Variants in ACOT12 observed in about 807,000 individuals in gnomAD.
ACOT12 encodes the protein acyl-CoA thioesterase 12, also known as acetyl-coenzyme A thioesterase.
In ACOT12, 51 loss-of-function variants were observed where a neutral mutation model predicts 67.7. The observed-to-expected ratio is 0.75, with a 90% CI of 0.60 to 0.95. The LOEUF is 0.95. Among genes scored for constraint, ACOT12 ranks in the 40% least tolerant of loss-of-function variants. ACOT12 has a pLI of 0.00. For missense variants in ACOT12, 734 were observed against 708.1 expected, an observed-to-expected ratio of 1.04 and a Z score of -0.41; for synonymous variants, 251 against 244.6, an observed-to-expected ratio of 1.03 and a Z score of -0.24.
At chr5:81,373,444 T>G (rs899813586) in intron 2 of ACOT12, among the ~76,000 whole-genome samples, 1 of 152,134 alleles carries the variant, frequency 6.6e-6, no homozygotes, top group African/African-American at 2.4e-5. Context: ...GGGCGGCCAT[T>G]TGGGGAGACA....
intron 2 of ACOT12, among the ~76,000 whole-genome samples, chr5:81,375,566 T>C (rs12108697): frequency 0.28 from 42,035 of 151,772 alleles, 9,435 homozygotes; most frequent in African/African-American, 0.62. Flanking sequence ...AGTCAAGACT[T>C]ATCAGTGTGC....
chr5:81,387,768 C>G (rs1473658635), intron 1 of ACOT12, among the ~76,000 whole-genome samples: 1 of 152,152 alleles, frequency 6.6e-6, no homozygotes, highest in Non-Finnish European at 1.5e-5. Flanking sequence ...TGGTCCCAAA[C>G]TCCTGGACTC....
intron 2 of ACOT12, among the ~76,000 whole-genome samples, chr5:81,379,502 T>C (rs745687544): frequency 6.6e-6 from 1 of 151,668 alleles, no homozygotes; most frequent in East Asian, 1.9e-4. Flanking sequence ...AAAAGCACCA[T>C]GCTAAACGCT....
intron 1 of ACOT12, among the ~76,000 whole-genome samples, chr5:81,389,954 TA>T (rs1760821110): frequency 1.4e-5 from 2 of 147,532 alleles, no homozygotes; most frequent in African/African-American, 5.1e-5. Context: ...TTTATTTATG[TA>T]TTTTTTTTTT....
chr5:81,331,120 G>C (rs927843660), intron 13 of ACOT12, among the ~76,000 whole-genome samples, 180 bp from the exon 14 acceptor site: 1 of 152,226 alleles, frequency 6.6e-6, no homozygotes, highest in Non-Finnish European at 1.5e-5. Flanking sequence ...GTAGGAAATA[G>C]TGTTTTCTGC....
At chr5:81,325,144 T>C (rs1034096636), downstream of ACOT12, among the ~76,000 whole-genome samples, 1 of 152,190 alleles carries the variant, frequency 6.6e-6, no homozygotes, top group Non-Finnish European at 1.5e-5. Flanking sequence ...TCATCCATTA[T>C]AACAGAAGAA....
At chr5:81,344,672 C>T (rs1453100783) in intron 8 of ACOT12, among the ~76,000 whole-genome samples, 2 of 151,920 alleles carry the variant, frequency 1.3e-5, no homozygotes, top group South Asian at 2.1e-4. Flanking sequence ...GTGTGTAGCC[C>T]GGTAGAGGTG....
chr5:81,312,780 T>C, the ACOT12 span: 1 of 705,608 alleles, frequency 1.4e-6, no homozygotes, highest in East Asian at 2.6e-5. Flanking sequence ...ATCAGTATGA[T>C]CTGGGTGTGG....
intron 1 of ACOT12, among the ~76,000 whole-genome samples, chr5:81,387,199 G>T (rs1760752488): frequency 6.6e-6 from 1 of 151,806 alleles, no homozygotes; most frequent in Non-Finnish European, 1.5e-5. Context: ...TAGAGATGGG[G>T]TTTCACCATG....
At chr5:81,326,856 C>T (rs1413552159), downstream of ACOT12, among the ~76,000 whole-genome samples, 5 of 152,142 alleles carry the variant, frequency 3.3e-5, no homozygotes, top group African/African-American at 1.2e-4. Context: ...CAAGAATGTG[C>T]AAGACCACCC....
At chr5:81,344,718 C>T (rs921578513) in intron 8 of ACOT12, among the ~76,000 whole-genome samples, 173 bp downstream of exon 8, 1 of 151,906 alleles carries the variant, frequency 6.6e-6, no homozygotes, top group Admixed American at 6.6e-5. Context: ...AACAAATGAT[C>T]AGAGTGATCG....
intron 2 of ACOT12, among the ~76,000 whole-genome samples, chr5:81,383,576 C>A (rs1379860713): frequency 6.6e-6 from 1 of 152,086 alleles, no homozygotes; most frequent in Non-Finnish European, 1.5e-5. Flanking sequence ...CTTAAGAGAC[C>A]TATCACCTAT....
Position 81,363,884 on chromosome 5 carries a change from A to AC in ACOT12, c.263dup (p.Ser88ArgfsTer14). 1 of 1,577,736 alleles carries AC rather than the reference A, an allele frequency of 6.3e-7. No individual in the cohort carries two copies. The highest frequency in any genetic ancestry group is 1.2e-5 in the South Asian group (1 of 84,628). ...GCATATCCTGTACCATGACCTTGATACTGATCTAAAATGAAAAAAAGATAA... is the reference window on the plus strand; with the variant it reads ...GCATATCCTGTACCATGACCTTGATACCTGATCTAAAATGAAAAAAAGATAA... On this transcript the variant is annotated frameshift_variant, in exon 4 of 15. Coordinates refer to ENST00000307624, the MANE Select transcript of ACOT12 (RefSeq NM_130767.3). LOFTEE classifies it high-confidence loss of function.
intron 12 of ACOT12, among the ~76,000 whole-genome samples, chr5:81,333,099 A>T (rs907740118): frequency 2.0e-5 from 3 of 151,644 alleles, no homozygotes; most frequent in Admixed American, 6.6e-5. Context: ...ACAAACAAAA[A>T]ACGCAAGAGC....
intron 3 of ACOT12, among the ~76,000 whole-genome samples, chr5:81,365,763 G>A (rs1450439984): frequency 6.6e-6 from 1 of 152,216 alleles, no homozygotes; most frequent in Non-Finnish European, 1.5e-5. Flanking sequence ...CGAGAGCACT[G>A]CGTTCCCAGG....
intron 4 of ACOT12, among the ~76,000 whole-genome samples, chr5:81,362,175 T>TG (rs1759931592): frequency 6.6e-6 from 1 of 151,376 alleles, no homozygotes; most frequent in Admixed American, 6.6e-5. Flanking sequence ...TTTTTTTTTT[T>TG]TTTTTTTGAG....
At chr5:81,389,446 G>A (rs1375202935) in intron 1 of ACOT12, among the ~76,000 whole-genome samples, 4 of 152,214 alleles carry the variant, frequency 2.6e-5, no homozygotes, top group Non-Finnish European at 4.4e-5. Context: ...CGGTGTTTCA[G>A]TCTGGCTGCA....
downstream of ACOT12, among the ~76,000 whole-genome samples, chr5:81,325,691 G>T (rs1206495591): frequency 6.6e-6 from 1 of 152,084 alleles, no homozygotes; most frequent in Non-Finnish European, 1.5e-5. Flanking sequence ...TTTTTATAGG[G>T]TGCTTCATCC....
At chr5:81,319,034 C>T in the ACOT12 span, among the ~76,000 whole-genome samples, 5 of 151,670 alleles carry the variant, frequency 3.3e-5, no homozygotes, top group African/African-American at 1.2e-4. Context: ...CTACTTAGGA[C>T]CTGCTGGAGA....
Sources: allele counts gnomAD v4.1 joint callset (sites outside exome capture counted in the v4.1 genomes callset), GRCh38; gene constraint gnomAD v4.1.1; transcripts MANE v1.5; gene names NCBI Gene and HGNC (gene_info 2026-07-23, HGNC 2026-07-21).